Variants in KCNQ5 observed in about 807,000 individuals in gnomAD.
KCNQ5 encodes potassium voltage-gated channel subfamily KQT member 5.
A neutral mutation model predicts 98.2 loss-of-function variants in KCNQ5; 30 were observed. That is an observed-to-expected ratio of 0.31 (90% CI 0.23 to 0.41). The LOEUF (loss-of-function observed/expected upper bound fraction) is 0.41. Ranked by LOEUF, KCNQ5 falls within the 10% of genes least tolerant of loss-of-function variation. The pLI, the probability that KCNQ5 is intolerant of heterozygous loss-of-function variation, is 1.00. For missense variants in KCNQ5, 835 were observed against 1,182.5 expected (o/e 0.71, Z 4.31); for synonymous variants, 458 against 449.4 (o/e 1.02, Z -0.24).
At chr6:72,873,988 C>T (rs971721246) in intron 1 of KCNQ5, among the ~76,000 whole-genome samples, 2 of 151,674 alleles carry the variant, frequency 1.3e-5, no homozygotes, top group East Asian at 1.9e-4. Flanking sequence ...GATTAAAGCT[C>T]CTCACTTTAC....
intron 1 of KCNQ5, among the ~76,000 whole-genome samples, chr6:72,980,049 A>G (rs1768358873): frequency 6.6e-6 from 1 of 152,150 alleles, no homozygotes; most frequent in Non-Finnish European, 1.5e-5. Flanking sequence ...CTGTTTTGGT[A>G]CCAGTACCAT....
intron 1 of KCNQ5, among the ~76,000 whole-genome samples, chr6:72,763,799 G>A (rs981021086): frequency 1.3e-5 from 2 of 151,918 alleles, no homozygotes; most frequent in African/African-American, 2.4e-5. Context: ...GTCCCTTGAG[G>A]GGTAAACATG....
intron 11 of KCNQ5, among the ~76,000 whole-genome samples, chr6:73,180,529 G>T (rs771510150): frequency 2.6e-5 from 4 of 152,120 alleles, no homozygotes; most frequent in Non-Finnish European, 4.4e-5. Flanking sequence ...GATTTTGCAA[G>T]CTGGCATGAA....
chr6:72,696,810 T>G (rs1768531269), intron 1 of KCNQ5, among the ~76,000 whole-genome samples: 1 of 152,176 alleles, frequency 6.6e-6, no homozygotes, highest in Non-Finnish European at 1.5e-5. Flanking sequence ...ATGAAATTTA[T>G]TTTTTCAAAG....
At chr6:72,698,462 C>G (rs532931149) in intron 1 of KCNQ5, among the ~76,000 whole-genome samples, 1 of 151,976 alleles carries the variant, frequency 6.6e-6, no homozygotes, top group African/African-American at 2.4e-5. Flanking sequence ...TTCGGCCTCC[C>G]AAAATGCTGG....
At chr6:72,854,157 T>G (rs1046329576) in intron 1 of KCNQ5, among the ~76,000 whole-genome samples, 2 of 152,192 alleles carry the variant, frequency 1.3e-5, no homozygotes, top group African/African-American at 4.8e-5. Flanking sequence ...AGTTCTTCTC[T>G]GAAAATATAA....
chr6:73,028,342 C>T (rs1477774776), intron 2 of KCNQ5, among the ~76,000 whole-genome samples: 1 of 152,050 alleles, frequency 6.6e-6, no homozygotes, highest in Non-Finnish European at 1.5e-5. Context: ...AATGTAAGCA[C>T]GGATGAAAAA....
At chr6:72,942,052 T>TC (rs1766337877) in intron 1 of KCNQ5, among the ~76,000 whole-genome samples, 1 of 152,218 alleles carries the variant, frequency 6.6e-6, no homozygotes, top group South Asian at 2.1e-4. Flanking sequence ...AAGCAGTAAC[T>TC]CCTACAGAGA....
intron 1 of KCNQ5, among the ~76,000 whole-genome samples, chr6:72,716,541 A>G (rs1378522393): frequency 6.6e-6 from 1 of 152,214 alleles, no homozygotes; most frequent in Non-Finnish European, 1.5e-5. Flanking sequence ...TAATTGTTTC[A>G]GGAGAAGCTT....
At chr6:73,025,657 A>T (rs888161605) in intron 2 of KCNQ5, among the ~76,000 whole-genome samples, 1 of 29,388 alleles carries the variant, frequency 3.4e-5, no homozygotes, top group African/African-American at 4.9e-5. Flanking sequence ...AAAAAAAAAA[A>T]AATTCAAGTG....
At chr6:72,939,182 G>A (rs979426999) in intron 1 of KCNQ5, among the ~76,000 whole-genome samples, 1 of 152,126 alleles carries the variant, frequency 6.6e-6, no homozygotes, top group African/African-American at 2.4e-5. Flanking sequence ...GAGGAGGAGC[G>A]TCTGTGCCCT....
intron 1 of KCNQ5, among the ~76,000 whole-genome samples, chr6:72,814,874 T>C (rs1775423553): frequency 6.6e-6 from 1 of 152,220 alleles, no homozygotes; most frequent in Non-Finnish European, 1.5e-5. Flanking sequence ...AGGAGACAAT[T>C]TGTCAGAAGA....
intron 1 of KCNQ5, among the ~76,000 whole-genome samples, chr6:72,783,213 A>G (rs1230499490): frequency 6.6e-6 from 1 of 152,164 alleles, no homozygotes; most frequent in Non-Finnish European, 1.5e-5. Context: ...GGGTTATGTA[A>G]GCTGAACACT....
intron 1 of KCNQ5, among the ~76,000 whole-genome samples, chr6:72,769,810 G>A (rs1011569471): frequency 6.6e-6 from 1 of 152,090 alleles, no homozygotes; most frequent in Admixed American, 6.6e-5. Context: ...CTCTTGGTTT[G>A]TTTCAAGATG....
At chr6:73,124,978 TATACAC>T (rs1367362823) in intron 9 of KCNQ5, among the ~76,000 whole-genome samples, 60 of 10,520 alleles carry the variant, frequency 5.7e-3, no homozygotes, top group Non-Finnish European at 7.3e-3. Flanking sequence ...TATATATATA[TATACAC>T]ACACACACAT....
At chr6:73,066,517 T>G (rs1313172444) in intron 3 of KCNQ5, among the ~76,000 whole-genome samples, 1 of 152,236 alleles carries the variant, frequency 6.6e-6, no homozygotes, top group African/African-American at 2.4e-5. Flanking sequence ...AACTAATGAA[T>G]GAATAAATAA....
At chr6:72,680,867 C>G (rs1046029769) in intron 1 of KCNQ5, among the ~76,000 whole-genome samples, 1 of 152,004 alleles carries the variant, frequency 6.6e-6, no homozygotes, top group Non-Finnish European at 1.5e-5. Flanking sequence ...CCTAAATAAC[C>G]CAAAAGGAAA....
At chr6:73,185,453 A>G (rs993733656) in intron 11 of KCNQ5, among the ~76,000 whole-genome samples, 2 of 152,198 alleles carry the variant, frequency 1.3e-5, no homozygotes, top group African/African-American at 4.8e-5. Flanking sequence ...AAGTGCTGTG[A>G]TTACATGTGT....
Position 73,076,052 on chromosome 6 carries a change from G to A in KCNQ5, c.617-1270G>A, listed in dbSNP as rs115053042. ...GGATGGAAAGAGGGAAGAAAGGAGA[G>A]GAGAGGGGAAGAAGCCCTTTGGCTG... On this transcript the variant is annotated intron_variant, in intron 3 of 13. Coordinates refer to ENST00000370398, the MANE Select transcript of KCNQ5 (RefSeq NM_019842.4). Among the ~76,000 whole-genome samples, 799 of 152,138 alleles carry A rather than the reference G, an allele frequency of 5.3e-3. 9 individuals are homozygous for A. The highest frequency in any genetic ancestry group is 0.019 in the African/African-American group (775 of 41,506).
Sources: allele counts gnomAD v4.1 joint callset (sites outside exome capture counted in the v4.1 genomes callset), GRCh38; gene constraint gnomAD v4.1.1; transcripts MANE v1.5; gene names NCBI Gene and HGNC (gene_info 2026-07-23, HGNC 2026-07-21).